RELN: variants seen among roughly 807,000 people sequenced by gnomAD.
The protein encoded by RELN is reelin.
RELN carries 108 observed loss-of-function variants against 427.6 expected under a neutral mutation model. The ratio of observed to expected loss-of-function variants is 0.25; its 90% CI spans 0.22 to 0.30. The LOEUF (loss-of-function observed/expected upper bound fraction) is 0.30, where lower values mean the gene tolerates loss of function less well. RELN is among the 10% of genes least tolerant of loss of function. RELN has a pLI of 1.00. For missense variants in RELN, 3,715 were observed against 4,302.8 expected, an observed-to-expected ratio of 0.86 and a Z score of 3.82; for synonymous variants, 1,524 against 1,513.4, an observed-to-expected ratio of 1.01 and a Z score of -0.16.
At chr7:103,788,279 A>G (rs1431928902) in intron 3 of RELN, among the ~76,000 whole-genome samples, 1 of 152,210 alleles carries the variant, frequency 6.6e-6, no homozygotes, top group East Asian at 1.9e-4. Context: ...AAATCGGCAC[A>G]AGGCAAGGAT....
chr7:103,616,666 A>C (rs529710840), intron 20 of RELN, among the ~76,000 whole-genome samples: 1 of 151,674 alleles, frequency 6.6e-6, no homozygotes, highest in African/African-American at 2.4e-5. Flanking sequence ...GTACACACAC[A>C]TACTTTTTTT....
chr7:103,699,488 T>C (rs1834046990), intron 9 of RELN, among the ~76,000 whole-genome samples: 1 of 152,146 alleles, frequency 6.6e-6, no homozygotes, highest in Non-Finnish European at 1.5e-5. Context: ...GTACATGGCC[T>C]AAAACTGAAA....
At chr7:103,625,982 G>A (rs2117324362) in intron 20 of RELN, among the ~76,000 whole-genome samples, 1 of 152,162 alleles carries the variant, frequency 6.6e-6, no homozygotes, top group Non-Finnish European at 1.5e-5. Context: ...TAGAGTTGGA[G>A]TAAGGGTTAG....
chr7:103,898,703 T>C (rs985957110), intron 2 of RELN, among the ~76,000 whole-genome samples: 20 of 149,404 alleles, frequency 1.3e-4, no homozygotes, highest in African/African-American at 4.6e-4. Context: ...TGCTCACATA[T>C]ATTGAACATT....
At chr7:103,536,234 GC>G (rs1830047704) in intron 45 of RELN, among the ~76,000 whole-genome samples, 1 of 152,162 alleles carries the variant, frequency 6.6e-6, no homozygotes. Context: ...GCCAATGCAT[GC>G]CATCAGGTTG....
chr7:103,746,003 C>T (rs1427301123), intron 6 of RELN, among the ~76,000 whole-genome samples: 2 of 152,212 alleles, frequency 1.3e-5, no homozygotes, highest in Middle Eastern at 3.4e-3. Context: ...ATCACGCTAC[C>T]TGACTTCAAA....
At chr7:103,559,049 C>T (rs1337946248) in intron 36 of RELN, among the ~76,000 whole-genome samples, 1 of 152,182 alleles carries the variant, frequency 6.6e-6, no homozygotes, top group Admixed American at 6.5e-5. Flanking sequence ...CCTATACATG[C>T]TGGGTGCTAA....
intron 3 of RELN, among the ~76,000 whole-genome samples, chr7:103,783,823 AG>A (rs748624977): frequency 1.3e-5 from 2 of 152,208 alleles, no homozygotes; most frequent in Non-Finnish European, 2.9e-5. Flanking sequence ...TTCATCTGAC[AG>A]TATTTGTTCA....
At chr7:103,909,800 A>T (rs1461070861) in intron 2 of RELN, among the ~76,000 whole-genome samples, 1 of 66,396 alleles carries the variant, frequency 1.5e-5, no homozygotes, top group Admixed American at 2.3e-4. Context: ...TTAAATATAT[A>T]TTAATATATA....
intron 36 of RELN, among the ~76,000 whole-genome samples, chr7:103,558,434 G>T (rs930506978): frequency 2.6e-4 from 40 of 152,206 alleles, no homozygotes; most frequent in African/African-American, 9.4e-4. Flanking sequence ...CCCGCTGGAA[G>T]ATGGGAACTG....
intron 3 of RELN, among the ~76,000 whole-genome samples, chr7:103,799,911 A>G (rs1219703591): frequency 6.6e-6 from 1 of 152,068 alleles, no homozygotes; most frequent in African/African-American, 2.4e-5. Flanking sequence ...TAAAGAATCA[A>G]CAAAAACCAC....
chr7:103,671,783 T>C (rs1833398491), intron 11 of RELN, among the ~76,000 whole-genome samples: 1 of 152,178 alleles, frequency 6.6e-6, no homozygotes, highest in African/African-American at 2.4e-5. Flanking sequence ...TCTTTAGCAC[T>C]GTTTAAGATT....
At chr7:103,627,853 G>C (rs1384811277) in intron 20 of RELN, 1 of 152,192 alleles carries the variant, frequency 6.6e-6, no homozygotes, top group Non-Finnish European at 1.5e-5. Context: ...ATATTCATCA[G>C]ACTTGTGTGA....
At chr7:103,946,188 C>T (rs1796216915) in intron 1 of RELN, among the ~76,000 whole-genome samples, 1 of 152,060 alleles carries the variant, frequency 6.6e-6, no homozygotes, top group African/African-American at 2.4e-5. Flanking sequence ...TAGTAGAACA[C>T]CTAAAAATTG....
In RELN at chr7:103,770,864, C is replaced by T. The variant is rs76258291; in HGVS notation, c.544+5693G>A. Among the ~76,000 whole-genome samples the T allele has an allele frequency of 7.6e-3, 1,143 of 151,386 alleles. 12 individuals are homozygous for T. Among genetic ancestry groups the T allele is most frequent in the African/African-American group, 0.026 (1,055 of 41,254 alleles). On this transcript the variant is annotated intron_variant, in intron 4 of 64. Transcript: ENST00000428762. ...GCTACAAAGCTGCCTCAGGTGGTCT[C>T]GCCTCACCTAAAACCACCCTCATTT... is the stretch of plus-strand genomic sequence containing the variant.
intron 1 of RELN, among the ~76,000 whole-genome samples, chr7:103,948,518 C>T (rs984781005): frequency 7.2e-5 from 11 of 151,918 alleles, no homozygotes; most frequent in Admixed American, 4.6e-4. Flanking sequence ...ACTAAAAATA[C>T]AAAAATTAGC....
chr7:103,605,962 A>G (rs1308271745), intron 22 of RELN, among the ~76,000 whole-genome samples: 2 of 152,102 alleles, frequency 1.3e-5, no homozygotes, highest in African/African-American at 2.4e-5. Flanking sequence ...CAGATGCACC[A>G]CCTCCTCTAT....
At chr7:103,870,789 CAT>C (rs1217637204) in intron 2 of RELN, among the ~76,000 whole-genome samples, 1 of 152,110 alleles carries the variant, frequency 6.6e-6, no homozygotes, top group East Asian at 1.9e-4. Flanking sequence ...TCTCTTCCTA[CAT>C]GTGTGCAGCT....
chr7:103,607,355 A>G (rs1831845041), intron 22 of RELN, among the ~76,000 whole-genome samples: 1 of 152,238 alleles, frequency 6.6e-6, no homozygotes, highest in African/African-American at 2.4e-5. Context: ...AAAAAAAATT[A>G]GTTGTGTGAG....
Sources: allele counts gnomAD v4.1 joint callset (sites outside exome capture counted in the v4.1 genomes callset), GRCh38; gene constraint gnomAD v4.1.1; transcripts MANE v1.5; gene names NCBI Gene and HGNC (gene_info 2026-07-23, HGNC 2026-07-21).